The following BMPR1B variants were observed in gnomAD, a reference collection of about 807,000 sequenced individuals.
The protein encoded by BMPR1B is bone morphogenetic protein receptor type 1B.
BMPR1B carries 12 observed loss-of-function variants against 59.1 expected under a neutral mutation model. The ratio of observed to expected loss-of-function variants is 0.20; its 90% CI spans 0.13 to 0.33. The LOEUF is 0.33. Among genes scored for constraint, BMPR1B ranks in the 10% least tolerant of loss-of-function variants. BMPR1B has a pLI of 1.00. For missense variants in BMPR1B, 550 were observed against 610.9 expected, an observed-to-expected ratio of 0.90 and a Z score of 1.05; for synonymous variants, 237 against 207.3, an observed-to-expected ratio of 1.14 and a Z score of -1.23.
intron 1 of BMPR1B, among the ~76,000 whole-genome samples, chr4:94,820,637 G>A (rs892507699): frequency 3.9e-5 from 6 of 152,204 alleles, no homozygotes; most frequent in African/African-American, 9.6e-5. Flanking sequence ...TGAAGGATAC[G>A]AATTTATTCA....
At chr4:94,838,106 A>T (rs1724896342) in intron 1 of BMPR1B, among the ~76,000 whole-genome samples, 1 of 144,414 alleles carries the variant, frequency 6.9e-6, no homozygotes, top group Non-Finnish European at 1.5e-5. Flanking sequence ...CCAGGGATGA[A>T]GCCCACTTAA....
At chr4:94,802,559 A>G (rs1578660672) in intron 1 of BMPR1B, among the ~76,000 whole-genome samples, 1 of 152,202 alleles carries the variant, frequency 6.6e-6, no homozygotes, top group African/African-American at 2.4e-5. Flanking sequence ...ACTTAAGTAC[A>G]TTGCATGGAG....
intron 12 of BMPR1B, 35 bp downstream of exon 12, chr4:95,152,808 C>T (rs1057512062): frequency 6.8e-6 from 11 of 1,606,262 alleles, no homozygotes; most frequent in African/African-American, 2.7e-5. Flanking sequence ...CTGTGACAGA[C>T]TTCTAAATAG....
intron 1 of BMPR1B, among the ~76,000 whole-genome samples, chr4:94,809,343 A>G (rs538559548): frequency 3.3e-5 from 5 of 152,304 alleles, no homozygotes; most frequent in Admixed American, 1.3e-4. Flanking sequence ...ACTATGCTGT[A>G]CTTAGAATAC....
intron 1 of BMPR1B, among the ~76,000 whole-genome samples, chr4:94,870,617 A>G (rs1726450740): frequency 6.6e-6 from 1 of 152,184 alleles, no homozygotes; most frequent in South Asian, 2.1e-4. Flanking sequence ...TTAGTGTTCT[A>G]CTGTTTAATT....
At position 94,987,948 on chromosome 4, in the gene BMPR1B, A is replaced by G. The variant is rs554135970; in HGVS notation, c.-112-8092A>G. On this transcript the variant is annotated intron_variant, in intron 2 of 12. Transcript: ENST00000515059. ...TAATGATTTATCATCTGGATATTAG[A>G]ATCATCCAGAGATTAATGGAATTAA... Among the ~76,000 whole-genome samples the G allele has an allele frequency of 7.0e-4, 106 of 152,260 alleles. 1 individual carries two copies. The highest frequency in any genetic ancestry group is 2.5e-3 in the African/African-American group (105 of 41,566).
intron 3 of BMPR1B, among the ~76,000 whole-genome samples, chr4:95,023,246 G>A (rs965060951): frequency 1.3e-5 from 2 of 152,022 alleles, no homozygotes; most frequent in Non-Finnish European, 2.9e-5. Context: ...TACAACACAT[G>A]CCTGCCAAGA....
intron 2 of BMPR1B, among the ~76,000 whole-genome samples, chr4:94,882,359 G>A (rs1029639883): frequency 3.3e-5 from 5 of 152,226 alleles, no homozygotes; most frequent in Non-Finnish European, 5.9e-5. Flanking sequence ...CTTAATCTTG[G>A]AAACAAGAAA....
chr4:95,017,181 C>T (rs1307235181), intron 3 of BMPR1B, among the ~76,000 whole-genome samples: 2 of 152,198 alleles, frequency 1.3e-5, no homozygotes, highest in Non-Finnish European at 2.9e-5. Flanking sequence ...TTTCTTTTCA[C>T]TCTTCAGCAA....
chr4:94,796,293 A>C (rs554474159), intron 1 of BMPR1B, among the ~76,000 whole-genome samples: 2 of 152,314 alleles, frequency 1.3e-5, no homozygotes, highest in South Asian at 4.1e-4. Context: ...AAAAAATACT[A>C]TCTGATTCTG....
chr4:94,906,491 C>T (rs1728046023), intron 2 of BMPR1B, among the ~76,000 whole-genome samples: 1 of 151,958 alleles, frequency 6.6e-6, no homozygotes, highest in African/African-American at 2.4e-5. Flanking sequence ...AGTAGTCTTC[C>T]TGACTGTTCA....
chr4:94,982,684 C>A (rs1321788028), intron 2 of BMPR1B, among the ~76,000 whole-genome samples: 1 of 152,104 alleles, frequency 6.6e-6, no homozygotes, highest in Non-Finnish European at 1.5e-5. Context: ...CATCATGTGT[C>A]CTCTTTACCA....
chr4:95,066,050 G>C (rs970036868), intron 3 of BMPR1B, among the ~76,000 whole-genome samples: 1 of 152,136 alleles, frequency 6.6e-6, no homozygotes, highest in African/African-American at 2.4e-5. Context: ...GACAGCTGCT[G>C]TTCATAATTC....
At chr4:95,151,634 C>G (rs1029269443) in intron 11 of BMPR1B, among the ~76,000 whole-genome samples, 1 of 152,148 alleles carries the variant, frequency 6.6e-6, no homozygotes, top group African/African-American at 2.4e-5. Context: ...GATTTTATAA[C>G]AGATTTGAGT....
At chr4:95,118,184 G>A (rs972769145) in intron 6 of BMPR1B, among the ~76,000 whole-genome samples, 2 of 152,170 alleles carry the variant, frequency 1.3e-5, no homozygotes, top group African/African-American at 2.4e-5. Flanking sequence ...GTCTACTCAG[G>A]TAGTGTCTAG....
chr4:94,922,550 T>G (rs1728744004), intron 2 of BMPR1B, among the ~76,000 whole-genome samples: 1 of 152,206 alleles, frequency 6.6e-6, no homozygotes, highest in African/African-American at 2.4e-5. Context: ...CTAAGTTGGT[T>G]ATAAGATTGC....
At chr4:95,063,214 C>T (rs1727536846) in intron 3 of BMPR1B, among the ~76,000 whole-genome samples, 1 of 152,120 alleles carries the variant, frequency 6.6e-6, no homozygotes, top group African/African-American at 2.4e-5. Flanking sequence ...TAGACAATAA[C>T]TAACATATTC....
intron 3 of BMPR1B, among the ~76,000 whole-genome samples, chr4:95,079,978 A>G (rs1449718958): frequency 6.6e-6 from 1 of 152,128 alleles, no homozygotes; most frequent in African/African-American, 2.4e-5. Flanking sequence ...ATTTGCCAAT[A>G]CTTCATAACT....
chr4:95,037,204 A>T (rs1033951049), intron 3 of BMPR1B, among the ~76,000 whole-genome samples: 1 of 152,076 alleles, frequency 6.6e-6, no homozygotes, highest in East Asian at 1.9e-4. Context: ...AACAAATAGG[A>T]TGGGGGCAGG....
Sources: gnomAD v4.1 joint callset for allele counts (sites outside exome capture counted in the v4.1 genomes callset) on GRCh38, gnomAD v4.1.1 for gene constraint, MANE v1.5 for transcripts, NCBI Gene and HGNC (gene_info 2026-07-23, HGNC 2026-07-21) for gene names.